The following INTS9 variants were observed in gnomAD, a reference collection of about 807,000 sequenced individuals.
The protein encoded by INTS9 is integrator complex subunit 9, also known as protein related to CPSF subunits of 74 kDa.
In INTS9, 55 loss-of-function variants were observed where a neutral mutation model predicts 79.7. The ratio of observed to expected loss-of-function variants is 0.69; its 90% CI spans 0.56 to 0.86. The LOEUF (loss-of-function observed/expected upper bound fraction) is 0.86. Ranked by LOEUF, INTS9 falls within the 40% of genes least tolerant of loss-of-function variation. INTS9 has a pLI of 0.00. For missense variants in INTS9, 721 were observed against 831.5 expected (o/e 0.87, Z 1.64); for synonymous variants, 319 against 325.2 (o/e 0.98, Z 0.20).
chr8:28,889,814 A>T, intron 1 of INTS9, 60 bp downstream of exon 1: 4 of 1,600,540 alleles, frequency 2.5e-6, no homozygotes, highest in Non-Finnish European at 3.4e-6. Context: ...CGTAGGAAAA[A>T]AAGAGGTCCA....
chr8:28,799,571 A>C (rs1368293589), intron 8 of INTS9: 6 of 152,204 alleles, frequency 3.9e-5, no homozygotes, highest in Non-Finnish European at 7.3e-5. Flanking sequence ...AAAGGCTTTT[A>C]GTGACACTCC....
At chr8:28,820,966 A>G (rs1805795780) in intron 6 of INTS9, among the ~76,000 whole-genome samples, 1 of 152,254 alleles carries the variant, frequency 6.6e-6, no homozygotes, top group Non-Finnish European at 1.5e-5. Flanking sequence ...AAAGAGTACT[A>G]GAAACAATGA....
intron 6 of INTS9, among the ~76,000 whole-genome samples, chr8:28,831,467 T>C (rs981647916): frequency 5.9e-5 from 9 of 152,164 alleles, no homozygotes; most frequent in Non-Finnish European, 1.3e-4. Context: ...CTTAAATTTT[T>C]TTTAAAAAGG....
At chr8:28,834,940 G>C (rs1055986858) in intron 6 of INTS9, among the ~76,000 whole-genome samples, 2 of 152,184 alleles carry the variant, frequency 1.3e-5, no homozygotes, top group African/African-American at 4.8e-5. Context: ...GCCTCCCAAA[G>C]TGCTGGGATT....
chr8:28,850,130 C>G, intron 3 of INTS9, 83 bp downstream of exon 3: 1 of 1,031,172 alleles, frequency 9.7e-7, no homozygotes, highest in Non-Finnish European at 1.5e-6. Flanking sequence ...CCATCAGTCA[C>G]ACTACTACAG....
intron 1 of INTS9, among the ~76,000 whole-genome samples, chr8:28,862,893 G>A (rs377673499): frequency 2.0e-5 from 3 of 152,256 alleles, no homozygotes; most frequent in East Asian, 3.9e-4. Context: ...AGACTGCCTG[G>A]GCTCAAATCT....
chr8:28,816,109 A>G (rs1805456361), intron 6 of INTS9, among the ~76,000 whole-genome samples: 1 of 152,078 alleles, frequency 6.6e-6, no homozygotes, highest in African/African-American at 2.4e-5. Flanking sequence ...GCCAAGGACT[A>G]TATATCTAGC....
At chr8:28,851,542 A>C (rs1807836545) in intron 2 of INTS9, among the ~76,000 whole-genome samples, 1 of 151,936 alleles carries the variant, frequency 6.6e-6, no homozygotes, top group Admixed American at 6.6e-5. Context: ...GGTCCACGCC[A>C]TTCTCCTGCC....
At chr8:28,843,819 G>T (rs1807338488) in intron 4 of INTS9, among the ~76,000 whole-genome samples, 2 of 151,516 alleles carry the variant, frequency 1.3e-5, no homozygotes, top group South Asian at 4.1e-4. Context: ...AATATCAGCT[G>T]CAGGTTTCAA....
At chr8:28,878,049 G>C (rs2131362908) in intron 1 of INTS9, among the ~76,000 whole-genome samples, 1 of 152,216 alleles carries the variant, frequency 6.6e-6, no homozygotes, top group Admixed American at 6.5e-5. Flanking sequence ...TTAGGTATAG[G>C]TATGCAGTCT....
intron 2 of INTS9, among the ~76,000 whole-genome samples, chr8:28,858,303 A>G (rs965440345): frequency 1.3e-5 from 2 of 152,206 alleles, no homozygotes; most frequent in Non-Finnish European, 2.9e-5. Context: ...AAGTTCCATG[A>G]GGGAAAGTAG....
At chr8:28,780,110 C>T (rs545457432) in intron 12 of INTS9, among the ~76,000 whole-genome samples, 2 of 149,932 alleles carry the variant, frequency 1.3e-5, no homozygotes, top group Non-Finnish European at 3.0e-5. Flanking sequence ...AACCCAAGGC[C>T]GACTGAAGAC....
chr8:28,876,460 C>G (rs1809394557), intron 1 of INTS9, among the ~76,000 whole-genome samples: 2 of 152,136 alleles, frequency 1.3e-5, no homozygotes, highest in African/African-American at 4.8e-5. Context: ...AAAAGAGTCT[C>G]TCTTTACTAA....
At chr8:28,821,364 C>G (rs1345267614) in intron 6 of INTS9, among the ~76,000 whole-genome samples, 1 of 152,146 alleles carries the variant, frequency 6.6e-6, no homozygotes, top group Non-Finnish European at 1.5e-5. Context: ...CCCGATAAAC[C>G]CATCAGATCT....
chr8:28,796,526 T>C lies in INTS9; in HGVS notation c.856+18A>G, dbSNP rs1413258362. On this transcript the variant is annotated intron_variant, in intron 9 of 16. Transcript: ENST00000521022. ...GCAAGATAGATCATCCAACGTAAGA[T>C]GAGAGACGGTTGCACACCTAGGTTG... 1.4e-5 allele frequency: 19 copies of C among 1,366,704 alleles called. No individual in the cohort carries two copies. Among genetic ancestry groups the C allele is most frequent in the Non-Finnish European group, 1.9e-5 (18 of 954,578 alleles). 84.7% of individuals were successfully genotyped at this position (1,366,704 alleles called of 1,614,324 possible).
intron 1 of INTS9, among the ~76,000 whole-genome samples, chr8:28,870,349 C>CTTTTTTTTT (rs10580665): frequency 1.2e-5 from 1 of 80,574 alleles, no homozygotes; most frequent in Non-Finnish European, 2.2e-5. Context: ...CAGAAAAAAG[C>CTTTTTTTTT]TTTTTTTTTT....
intron 6 of INTS9, among the ~76,000 whole-genome samples, chr8:28,824,635 C>A (rs1806044019): frequency 6.6e-6 from 1 of 152,210 alleles, no homozygotes; most frequent in Admixed American, 6.5e-5. Flanking sequence ...GGAAGTGGCA[C>A]AGAAGCCCAC....
intron 2 of INTS9, among the ~76,000 whole-genome samples, chr8:28,856,760 T>C (rs1194938136): frequency 2.0e-5 from 3 of 152,168 alleles, no homozygotes; most frequent in Non-Finnish European, 4.4e-5. Flanking sequence ...CATGTGCAGG[T>C]TTGTTACCTG....
In INTS9 at chr8:28,857,403, A is replaced by T. The variant is rs552704232; in HGVS notation, c.137+2033T>A. On this transcript the variant is annotated intron_variant, in intron 2 of 16. Coordinates refer to ENST00000521022, the MANE Select transcript of INTS9 (RefSeq NM_018250.4). ...ATGCCCATCACATCTAATAACATGGAAGTCATGTGGGGCCTAAGAGGTTCT... is the reference window on the plus strand; with the variant it reads ...ATGCCCATCACATCTAATAACATGGTAGTCATGTGGGGCCTAAGAGGTTCT... Among the ~76,000 whole-genome samples the T allele has an allele frequency of 3.9e-5, 6 of 152,290 alleles. No homozygotes were observed. The East Asian group carries it at 1.2e-3, about 29-fold the overall frequency.
Sources: allele counts gnomAD v4.1 joint callset (sites outside exome capture counted in the v4.1 genomes callset), GRCh38; gene constraint gnomAD v4.1.1; transcripts MANE v1.5; gene names NCBI Gene and HGNC (gene_info 2026-07-23, HGNC 2026-07-21).